CACNA1A: variants seen among roughly 807,000 people sequenced by gnomAD.
CACNA1A encodes voltage-dependent P/Q-type calcium channel subunit alpha-1A.
CACNA1A carries 57 observed loss-of-function variants against 262.4 expected under a neutral mutation model. The observed-to-expected ratio is 0.22, with a 90% CI of 0.18 to 0.27. CACNA1A has a LOEUF of 0.27. CACNA1A is among the 10% of genes least tolerant of loss of function. CACNA1A has a pLI of 1.00. For synonymous variants in CACNA1A, 1,431 were observed against 1,419.3 expected (o/e 1.01, Z -0.18); for missense variants, 2,526 against 3,562.8 (o/e 0.71, Z 7.41).
At chr19:13,486,174 C>T (rs890630612) in intron 1 of CACNA1A, among the ~76,000 whole-genome samples, 1 of 152,164 alleles carries the variant, frequency 6.6e-6, no homozygotes, top group African/African-American at 2.4e-5. Flanking sequence ...AGAAAGCAAG[C>T]GAATGGTTCC....
chr19:13,452,500 A>C (rs2060934251), intron 3 of CACNA1A: 1 of 165,276 alleles, frequency 6.1e-6, no homozygotes, highest in African/African-American at 2.4e-5. Flanking sequence ...TTCATCTCCC[A>C]GTTCCATCAC....
chr19:13,279,665 A>T (rs1476671150), intron 22 of CACNA1A, among the ~76,000 whole-genome samples: 1 of 151,972 alleles, frequency 6.6e-6, no homozygotes, highest in African/African-American at 2.4e-5. Context: ...TTGTATTTTT[A>T]GTAGAGACCA....
In CACNA1A at chr19:13,208,797, G is replaced by A. The variant is rs1265035474; in HGVS notation, c.6739C>T (p.Arg2247Cys). The change falls in exon 46 of 47, where the codon CGC becomes TGC. Residue 2247 changes from arginine to cysteine, a missense_variant. Transcript: ENST00000360228. ...RARARDQRWS[R>C]SPSEGREHMA... ...TGCTCTCGGCCCTCGCTGGGCGAGC[G>A]GGACCAGCGCTGGTCCCGAGCCCGT... 5.1e-6 allele frequency: 8 copies of A among 1,554,702 alleles called. No homozygotes were observed. The highest frequency in any genetic ancestry group is 6.9e-6 in the Non-Finnish European group (8 of 1,158,606).
At chr19:13,300,736 G>C in intron 17 of CACNA1A, 80 bp from the exon 18 acceptor site, 1 of 1,106,528 alleles carries the variant, frequency 9.0e-7, no homozygotes, top group East Asian at 2.3e-5. Flanking sequence ...TGCTGACCAG[G>C]GGCAACATTT....
At chr19:13,469,749 G>A (rs919959805) in intron 1 of CACNA1A, among the ~76,000 whole-genome samples, 7 of 150,830 alleles carry the variant, frequency 4.6e-5, no homozygotes, top group Non-Finnish European at 1.0e-4. Context: ...GTGGGCCACC[G>A]CGCCCGGCTG....
At position 13,506,027 on chromosome 19, in the gene CACNA1A, G is replaced by A. The variant is rs774731482; in HGVS notation, c.198C>T (p.Pro66=). ...ARTMALYNPI[P]VRQNCLTVNR... The stretch of plus-strand genomic sequence containing the variant: ...TAACCGTGAGGCAGTTCTGTCGGAC[G>A]GGGATGGGGTTGTAGAGTGCCATGG... Residue 66 remains proline (P), a synonymous_variant, in exon 1 of 47, where the codon CCC becomes CCT. Transcript: ENST00000360228. The A allele has an allele frequency of 5.6e-6, 9 of 1,613,866 alleles. No individual in the cohort carries two copies. In the Admixed American group the frequency reaches 8.3e-5, roughly 15 times the overall value.
intron 30 of CACNA1A, among the ~76,000 whole-genome samples, chr19:13,251,334 T>G (rs530827123): frequency 1.3e-5 from 2 of 151,562 alleles, no homozygotes; most frequent in African/African-American, 4.8e-5. Context: ...ATACAAACAA[T>G]TAGCCAGGTG....
intron 3 of CACNA1A, among the ~76,000 whole-genome samples, chr19:13,441,828 C>T (rs2060726452): frequency 6.6e-6 from 1 of 152,114 alleles, no homozygotes; most frequent in Non-Finnish European, 1.5e-5. Flanking sequence ...ACAGATGCCC[C>T]TTGGAGGCAG....
chr19:13,426,268 G>C (rs1429869377), intron 3 of CACNA1A, among the ~76,000 whole-genome samples: 1 of 152,066 alleles, frequency 6.6e-6, no homozygotes, highest in African/African-American at 2.4e-5. Flanking sequence ...TTTAGATTTA[G>C]CCTTTTCTTT....
intron 25 of CACNA1A, chr19:13,261,819 A>G (rs532370217): frequency 5.4e-5 from 29 of 541,660 alleles, no homozygotes; most frequent in African/African-American, 4.2e-4. Flanking sequence ...TGGATCTAAA[A>G]CTCCCAGATG....
At chr19:13,238,991 C>T (rs2055976824) in intron 31 of CACNA1A, among the ~76,000 whole-genome samples, 1 of 152,124 alleles carries the variant, frequency 6.6e-6, no homozygotes, top group South Asian at 2.1e-4. Context: ...CCACTGTTCT[C>T]TCTCCTCCAC....
chr19:13,438,928 G>A (rs563077475), intron 3 of CACNA1A, among the ~76,000 whole-genome samples: 5 of 152,054 alleles, frequency 3.3e-5, no homozygotes, highest in East Asian at 1.9e-4. Context: ...TAGCAGAGAC[G>A]GGATTTCACC....
At chr19:13,240,610 ATTGT>A (rs1383730967) in intron 31 of CACNA1A, among the ~76,000 whole-genome samples, 12 of 141,162 alleles carry the variant, frequency 8.5e-5, no homozygotes, top group South Asian at 4.6e-4. Context: ...GTGCGCAGTG[ATTGT>A]GTGTGTGCAG....
At chr19:13,410,071 T>C (rs1436045813) in intron 3 of CACNA1A, among the ~76,000 whole-genome samples, 1 of 152,184 alleles carries the variant, frequency 6.6e-6, no homozygotes, top group East Asian at 1.9e-4. Flanking sequence ...TAACTGTGTG[T>C]GCTGTCATCT....
chr19:13,443,703 C>T (rs1347355309), intron 3 of CACNA1A, among the ~76,000 whole-genome samples: 1 of 152,078 alleles, frequency 6.6e-6, no homozygotes, highest in East Asian at 1.9e-4. Context: ...TCAATGTTGC[C>T]ACTGTTGTTA....
chr19:13,319,841 C>T (rs2419247), intron 10 of CACNA1A, among the ~76,000 whole-genome samples: 42,244 of 152,066 alleles, frequency 0.28, 6,194 homozygotes, highest in East Asian at 0.41. Context: ...GGACCAGCGT[C>T]ATCCCCATTT....
chr19:13,259,829 T>TGA, intron 26 of CACNA1A, 128 bp from the exon 27 acceptor site: 1 of 905,630 alleles, frequency 1.1e-6, no homozygotes, highest in Non-Finnish European at 1.7e-6. Context: ...TGGGAAGCAG[T>TGA]GACTCCCCAT....
chr19:13,207,436 A>AGAAGGC lies in CACNA1A; in HGVS notation c.7392_7397dup (p.Pro2465_Ser2466dup). ...CGTTGGGGAGTCGCCGGCCGTGCCG[A>AGAAGGC]GAAGGCGAGGCGCAGGCCGGGCCCG... On this transcript the variant is annotated inframe_insertion, in exon 47 of 47. Coordinates refer to ENST00000360228, the MANE Select transcript of CACNA1A (RefSeq NM_001127222.2). This position sits in a 1 kb window ranked among gnomAD's most constrained non-coding sequence, Gnocchi z 5.7. The AGAAGGC allele has an allele frequency of 6.6e-7, 1 of 1,519,756 alleles. No homozygotes were observed. 94.1% of individuals were successfully genotyped at this position (1,519,756 alleles called of 1,614,324 possible). A position where few individuals can be genotyped will look rare whatever the true frequency, so the allele number is the denominator to read the frequency against.
At chr19:13,479,596 T>TGGGAAGAAAAGAGGAAAGA (rs1289643585) in intron 1 of CACNA1A, among the ~76,000 whole-genome samples, 17 of 151,760 alleles carry the variant, frequency 1.1e-4, no homozygotes, top group Admixed American at 1.1e-3. Context: ...TTCTGGAGCT[T>TGGGAAGAAAAGAGGAAAGA]GGGAAGAAAA....
Sources: allele counts gnomAD v4.1 joint callset (sites outside exome capture counted in the v4.1 genomes callset), GRCh38; gene constraint gnomAD v4.1.1; non-coding constraint Gnocchi (gnomAD v3.1); transcripts MANE v1.5; gene names NCBI Gene and HGNC (gene_info 2026-07-23, HGNC 2026-07-21).